PPL: variants seen among roughly 807,000 people sequenced by gnomAD.
The protein encoded by PPL is periplakin, also known as 190 kDa paraneoplastic pemphigus antigen.
In PPL, 198 loss-of-function variants were observed where a neutral mutation model predicts 194.4. That is an observed-to-expected ratio of 1.02 (90% CI 0.91 to 1.15). The LOEUF is 1.15. Among genes scored for constraint, PPL ranks in the 50% most tolerant of loss-of-function variants. PPL has a pLI of 0.00. For synonymous variants in PPL, 1,220 were observed against 972.4 expected, an observed-to-expected ratio of 1.25 and a Z score of -4.74; for missense variants, 2,885 against 2,294.8, an observed-to-expected ratio of 1.26 and a Z score of -5.25.
chr16:4,908,294 A>T (rs1160826465), intron 2 of PPL, among the ~76,000 whole-genome samples: 1 of 152,114 alleles, frequency 6.6e-6, no homozygotes, highest in Admixed American at 6.6e-5. Flanking sequence ...GGAGTTCAAG[A>T]CCAGCCTGGA....
chr16:4,894,344 G>A, intron 12 of PPL, 123 bp downstream of exon 12: 5 of 1,232,302 alleles, frequency 4.1e-6, no homozygotes, highest in Middle Eastern at 5.0e-4. Flanking sequence ...GGGTGCAGAT[G>A]GAGAGTGTCA....
chr16:4,925,342 C>A (rs2089136971), intron 1 of PPL, among the ~76,000 whole-genome samples: 1 of 152,090 alleles, frequency 6.6e-6, no homozygotes, highest in African/African-American at 2.4e-5. Flanking sequence ...GGCTCTGACA[C>A]AAAGGCAACC....
chr16:4,897,634 G>C, intron 9 of PPL, 41 bp downstream of exon 9: 1 of 1,523,464 alleles, frequency 6.6e-7, no homozygotes, highest in Non-Finnish European at 9.1e-7. Flanking sequence ...TCAGAGAGTA[G>C]CACCCCCGGT....
chr16:4,894,590 G>A lies in PPL; in HGVS notation c.1271C>T (p.Thr424Ile), dbSNP rs1244754706. ...QGLISRGYSY[T>I]LQKNNGESWE... The stretch of plus-strand genomic sequence containing the variant: ...GCTCTCCCCGTTGTTCTTCTGCAGG[G>A]TGTAGCTGTAGCCCCGCGAGATCAG... Residue 424 changes from threonine (T) to isoleucine (I), a missense_variant, in exon 12 of 22, where the codon ACC becomes ATC. Transcript: ENST00000345988. The A allele has an allele frequency of 1.1e-5, 17 of 1,613,574 alleles. No individual in the cohort carries two copies. The highest frequency in any genetic ancestry group is 1.3e-5 in the African/African-American group (1 of 74,926).
chr16:4,923,455 C>G lies in PPL; in HGVS notation c.63-12506G>C, dbSNP rs148706594. On this transcript the variant is annotated intron_variant, in intron 1 of 21. Coordinates refer to ENST00000345988, the MANE Select transcript of PPL (RefSeq NM_002705.5). ...GCCCCCAGGAGAGACGTGGACCCTC[C>G]AAGGACACCATGAATGGCAACCTTC... Among the ~76,000 whole-genome samples the G allele has an allele frequency of 2.5e-3, 387 of 152,288 alleles. 1 individual carries two copies. The highest frequency in any genetic ancestry group is 8.9e-3 in the African/African-American group (368 of 41,576).
chr16:4,888,712 A>G (rs1167073031), intron 19 of PPL: 1 of 384,382 alleles, frequency 2.6e-6, no homozygotes, highest in Admixed American at 4.1e-5. Context: ...TTTATCCTGC[A>G]TTTTTTTTTT....
chr16:4,929,775 T>C (rs1313889351), intron 1 of PPL, among the ~76,000 whole-genome samples: 1 of 152,018 alleles, frequency 6.6e-6, no homozygotes, highest in East Asian at 1.9e-4. Flanking sequence ...CAGCCTTGAA[T>C]TCCTGGACTC....
chr16:4,887,762 C>G (rs192725962), intron 20 of PPL, among the ~76,000 whole-genome samples: 101 of 152,222 alleles, frequency 6.6e-4, no homozygotes, highest in African/African-American at 2.3e-3. Context: ...ACCACCACGC[C>G]TGGCTAATAT....
intron 9 of PPL, among the ~76,000 whole-genome samples, chr16:4,897,293 C>T (rs1300016235): frequency 5.4e-5 from 7 of 128,902 alleles, no homozygotes; most frequent in East Asian, 2.2e-4. Flanking sequence ...CGAGATGGCA[C>T]GACTGCACTC....
rs1276501280 is a variant in PPL, at chr16:4,895,582, G to A, written c.1095+12C>T. 2 of 1,613,764 alleles carry A rather than the reference G, an allele frequency of 1.2e-6. No homozygotes were observed. The highest frequency in any genetic ancestry group is 1.7e-6 in the Non-Finnish European group (2 of 1,180,000). ...CCCCCCGGGCCAGCAGGGGTCCTGGGCCATCGCTCACATCCAGCTCCCGCA... is the reference window on the plus strand; with the variant it reads ...CCCCCCGGGCCAGCAGGGGTCCTGGACCATCGCTCACATCCAGCTCCCGCA... On this transcript the variant is annotated intron_variant, in intron 10 of 21. Transcript: ENST00000345988.
chr16:4,900,871 C>T lies in PPL; in HGVS notation c.565G>A (p.Glu189Lys). ...TTGGCCCGGAGTTCGCTGTTCTGCT[C>T]CTGAGGACAGAGCCGAGGGCATGGG... ...GPHLAKDGDK[E>K]QNSELRAKYQ... is the part of the protein sequence containing the mutation. Residue 189 changes from glutamate to lysine, a missense_variant and splice_region_variant, in exon 6 of 22, where the codon GAG becomes AAG. By Grantham distance (56) the Glu-to-Lys change is moderately conservative (BLOSUM62 1). Coordinates refer to ENST00000345988, the MANE Select transcript of PPL (RefSeq NM_002705.5). 2 of 1,614,164 alleles carry T rather than the reference C, an allele frequency of 1.2e-6. No homozygotes were observed. Among genetic ancestry groups the T allele is most frequent in the East Asian group, 2.2e-5 (1 of 44,874 alleles).
chr16:4,893,699 G>T (rs2088365012), intron 12 of PPL, 61 bp from the exon 13 acceptor site: 3 of 1,390,666 alleles, frequency 2.2e-6, no homozygotes, highest in Admixed American at 2.0e-5. Flanking sequence ...ACCCACAGAG[G>T]CGGGACTGCG....
In PPL at chr16:4,884,986, G is replaced by C; in HGVS notation, c.3669C>G (p.Gly1223=). The change falls in exon 22 of 22, where the codon GGC becomes GGG. Residue 1223 remains glycine (G), a synonymous_variant. Transcript: ENST00000345988. This position sits in a 1 kb window ranked among gnomAD's most constrained non-coding sequence, Gnocchi z 5.7. ...QSELEALRRR[G]PQVEVKEVTK... is the part of the protein sequence containing the mutation. The stretch of plus-strand genomic sequence containing the variant: ...TCACCTCTTTGACTTCCACCTGGGG[G>C]CCTCGCCTCCTGAGGGCCTCCAGCT... 6.2e-7 allele frequency: 1 copy of C among 1,613,968 alleles called. No individual in the cohort carries two copies. Among genetic ancestry groups the C allele is most frequent in the Non-Finnish European group, 8.5e-7 (1 of 1,180,036 alleles).
At chr16:4,891,567 C>T (rs2088319966) in intron 16 of PPL, 1 of 446,190 alleles carries the variant, frequency 2.2e-6, no homozygotes, top group Non-Finnish European at 3.9e-6. Context: ...GCATGTGCCA[C>T]TACACTGGCT....
intron 1 of PPL, among the ~76,000 whole-genome samples, chr16:4,914,970 G>A (rs1211316801): frequency 6.6e-6 from 1 of 152,190 alleles, no homozygotes; most frequent in Non-Finnish European, 1.5e-5. Context: ...TGCACCTAGA[G>A]GCGGTGAGTC....
In PPL at chr16:4,902,936, G is replaced by A. The variant is rs907916565; in HGVS notation, c.318-410C>T. ...ACTCCTGACCTCAGGTGATCCGTCC[G>A]CTTCGGCCTCCCGAAGTGCTGGGAT... On this transcript the variant is annotated intron_variant, in intron 3 of 21. Transcript: ENST00000345988. This position sits in a 1 kb window ranked among gnomAD's most constrained non-coding sequence, Gnocchi z 4.0. 1.3e-5 allele frequency among the ~76,000 whole-genome samples: 2 copies of A among 152,146 alleles called. No homozygotes were observed. Among genetic ancestry groups the A allele is most frequent in the African/African-American group, 4.8e-5 (2 of 41,424 alleles).
rs1000716780 is a variant in PPL at position 4,932,479 on chromosome 16, G to A, written c.62+4505C>T. On this transcript the variant is annotated intron_variant, in intron 1 of 21. Coordinates refer to ENST00000345988, the MANE Select transcript of PPL (RefSeq NM_002705.5). ...GGCTGGAGTGCAGTGGTGTGATCTC[G>A]GCTCACTGCAATCTCTGCCTCCCAG... Among the ~76,000 whole-genome samples, 15 of 149,702 alleles carry A rather than the reference G, an allele frequency of 1.0e-4. 1 individual carries two copies. Among genetic ancestry groups the A allele is most frequent in the Middle Eastern group, 3.4e-3 (1 of 292 alleles).
chr16:4,909,480 G>T (rs886619630), intron 2 of PPL, among the ~76,000 whole-genome samples: 1 of 146,650 alleles, frequency 6.8e-6, no homozygotes, highest in African/African-American at 2.6e-5. Flanking sequence ...AGGCTGGAGC[G>T]CAGTGGCACG....
chr16:4,895,797 CT>C, intron 9 of PPL, 81 bp from the exon 10 acceptor site: 1 of 1,593,526 alleles, frequency 6.3e-7, no homozygotes, highest in Non-Finnish European at 8.6e-7. Context: ...AAGCTCATCC[CT>C]CAGGCGGGGC....
Sources: gnomAD v4.1 joint callset for allele counts (sites outside exome capture counted in the v4.1 genomes callset) on GRCh38, gnomAD v4.1.1 for gene constraint, Gnocchi (gnomAD v3.1) non-coding constraint, MANE v1.5 for transcripts, NCBI Gene and HGNC (gene_info 2026-07-23, HGNC 2026-07-21) for gene names.